The following EMC7 variants were observed in gnomAD, a reference collection of about 807,000 sequenced individuals.
EMC7 encodes ER membrane protein complex subunit 7, also known as endoplasmic reticulum membrane protein complex subunit 7.
EMC7 carries 4 observed loss-of-function variants against 24.4 expected under a neutral mutation model. The observed-to-expected ratio is 0.16, with a 90% CI of 0.08 to 0.38. The LOEUF (loss-of-function observed/expected upper bound fraction) is 0.38. Ranked by LOEUF, EMC7 falls within the 10% of genes least tolerant of loss-of-function variation. The pLI is 1.00. For synonymous variants in EMC7, 106 were observed against 112.0 expected (o/e 0.95, Z 0.34); for missense variants, 221 against 300.6 (o/e 0.74, Z 1.96).
chr15:34,084,188 T>G lies in EMC7; in HGVS notation c.*146A>C, dbSNP rs1006675922. ...TTTCTCGTGTACCAAGTACAAAACA[T>G]GTGCTAAAAAGTTAACATACACAGT... On this transcript the variant is annotated 3_prime_UTR_variant, in exon 5 of 5. Coordinates refer to ENST00000256545, the MANE Select transcript of EMC7 (RefSeq NM_020154.3). The G allele has an allele frequency of 7.1e-6, 7 of 992,338 alleles. No homozygotes were observed. The highest frequency in any genetic ancestry group is 6.2e-5 in the Admixed American group (2 of 32,144). The allele number at this position is 992,338 out of a possible 1,614,324, so 61.5% of individuals were successfully genotyped here.
chr15:34,092,345 C>T (rs1900988294), intron 2 of EMC7, among the ~76,000 whole-genome samples: 1 of 151,632 alleles, frequency 6.6e-6, no homozygotes, highest in Admixed American at 6.6e-5. Context: ...CTGTCACACC[C>T]CCAATTATTT....
At chr15:34,090,249 T>C (rs1275444330) in intron 3 of EMC7, 68 bp downstream of exon 3, 19 of 1,485,844 alleles carry the variant, frequency 1.3e-5, no homozygotes, top group Non-Finnish European at 1.6e-5. Context: ...TCACAGAGGT[T>C]TGAAGTTTCC....
chr15:34,086,450 C>T (rs767251481), intron 4 of EMC7: 105 of 154,364 alleles, frequency 6.8e-4, no homozygotes, highest in Admixed American at 1.7e-3. Context: ...TTTTTTTTAA[C>T]GGAGTTTTGC....
intron 4 of EMC7, chr15:34,086,040 T>C (rs1332193822): frequency 3.3e-6 from 1 of 304,770 alleles, no homozygotes; most frequent in Non-Finnish European, 6.3e-6. Flanking sequence ...GTAACATTTG[T>C]TGCAGATCAG....
In EMC7 at chr15:34,084,293, T is replaced by C; in HGVS notation, c.*41A>G. 1.3e-6 allele frequency: 2 copies of C among 1,589,340 alleles called. No individual in the cohort carries two copies. The highest frequency in any genetic ancestry group is 1.7e-6 in the Non-Finnish European group (2 of 1,163,588). ...TTTCCAAGACTTGGATGCCACCCAG[T>C]GTTGCCGTGTTTGTGCAAATGCCAG... On this transcript the variant is annotated 3_prime_UTR_variant, in exon 5 of 5. Coordinates refer to ENST00000256545, the MANE Select transcript of EMC7 (RefSeq NM_020154.3).
chr15:34,101,726 C>T lies in EMC7; in HGVS notation c.114G>A (p.Gly38=), dbSNP rs77698400. 4.7e-3 allele frequency: 7,629 copies of T among 1,613,754 alleles called. 284 individuals carry two copies. In the African/African-American group the frequency reaches 0.083, roughly 18 times the overall value. ...GAAAEGSGGS[G]VGIGDRFKIE... Reference sequence around the variant, plus strand: ...TCTTGAAGCGATCTCCTATGCCGACCCCACTCCCTCCCGATCCCTCAGCAG... The same window carrying T: ...TCTTGAAGCGATCTCCTATGCCGACTCCACTCCCTCCCGATCCCTCAGCAG... The change falls in exon 1 of 5, where the codon GGG becomes GGA. Residue 38 remains glycine (G), a synonymous_variant. Transcript: ENST00000256545.
At chr15:34,097,385 C>G (rs1300925763) in intron 1 of EMC7, among the ~76,000 whole-genome samples, 2 of 152,098 alleles carry the variant, frequency 1.3e-5, no homozygotes, top group African/African-American at 4.8e-5. Context: ...ACCATTTGTT[C>G]TATTTGCTAT....
intron 1 of EMC7, among the ~76,000 whole-genome samples, chr15:34,097,011 T>C (rs1168988249): frequency 1.3e-5 from 2 of 149,866 alleles, no homozygotes; most frequent in African/African-American, 4.9e-5. Flanking sequence ...TAGTTTTAAC[T>C]TGCAATTTTT....
chr15:34,087,752 T>C (rs1900911351), intron 4 of EMC7, among the ~76,000 whole-genome samples: 2 of 152,242 alleles, frequency 1.3e-5, no homozygotes, highest in Non-Finnish European at 2.9e-5. Flanking sequence ...CATGATACTA[T>C]GTTAATACAA....
At chr15:34,086,893 C>T (rs1469649223) in intron 4 of EMC7, among the ~76,000 whole-genome samples, 1 of 152,226 alleles carries the variant, frequency 6.6e-6, no homozygotes, top group East Asian at 1.9e-4. Flanking sequence ...ATATCAAAAA[C>T]CTTTCTTTTC....
At chr15:34,094,039 T>C (rs1302386539) in intron 2 of EMC7, among the ~76,000 whole-genome samples, 1 of 150,818 alleles carries the variant, frequency 6.6e-6, no homozygotes, top group African/African-American at 2.4e-5. Flanking sequence ...CTCTACAAAG[T>C]AGGGGGGAAA....
At chr15:34,093,948 A>G (rs10152308) in intron 2 of EMC7, among the ~76,000 whole-genome samples, 97,015 of 146,912 alleles carry the variant, frequency 0.66, 32,857 homozygotes, top group South Asian at 0.78. Context: ...CTAAAGGTCA[A>G]TTTGAGGCTG....
intron 1 of EMC7, among the ~76,000 whole-genome samples, chr15:34,099,548 C>T (rs886708945): frequency 4.6e-5 from 7 of 152,194 alleles, no homozygotes; most frequent in African/African-American, 1.4e-4. Flanking sequence ...ATACAAATTA[C>T]CTACCCCTTT....
Position 34,101,737 on chromosome 15 carries a change from C to T in EMC7, c.103G>A (p.Gly35Arg). ...EVPGAAAEGS[G>R]GSGVGIGDRF... ...TCTCCTATGCCGACCCCACTCCCTC[C>T]CGATCCCTCAGCAGCAGCCCCGGGC... The change falls in exon 1 of 5, where the codon GGA becomes AGA. Residue 35 changes from glycine (G) to arginine (R), a missense_variant. Transcript: ENST00000256545. 6.2e-7 allele frequency: 1 copy of T among 1,613,946 alleles called. No individual in the cohort carries two copies. The highest frequency in any genetic ancestry group is 8.5e-7 in the Non-Finnish European group (1 of 1,180,000).
intron 1 of EMC7, chr15:34,101,044 C>T (rs996637493): frequency 2.2e-5 from 2 of 89,590 alleles, no homozygotes; most frequent in African/African-American, 8.0e-5. Context: ...GATCCCACCC[C>T]CAAGCAAAAA....
chr15:34,092,384 T>G (rs2140869420), intron 2 of EMC7, among the ~76,000 whole-genome samples: 1 of 152,318 alleles, frequency 6.6e-6, no homozygotes, highest in East Asian at 1.9e-4. Context: ...AATATTGCTC[T>G]GAAGCCCAGG....
At chr15:34,087,089 G>A (rs1353906057) in intron 4 of EMC7, among the ~76,000 whole-genome samples, 1 of 152,140 alleles carries the variant, frequency 6.6e-6, no homozygotes, top group Non-Finnish European at 1.5e-5. Flanking sequence ...AAGAATATTT[G>A]ATAAATCCAT....
At chr15:34,091,256 T>C (rs144563353) in intron 2 of EMC7, among the ~76,000 whole-genome samples, 8 of 152,216 alleles carry the variant, frequency 5.3e-5, no homozygotes, top group Admixed American at 3.3e-4. Flanking sequence ...TTAAGTACTT[T>C]AAATATACAT....
intron 2 of EMC7, among the ~76,000 whole-genome samples, chr15:34,094,114 T>C (rs1458207936): frequency 2.0e-5 from 3 of 152,008 alleles, no homozygotes; most frequent in African/African-American, 7.2e-5. Context: ...ATATCAAGAA[T>C]ATTCTCTTGG....
Sources: allele counts gnomAD v4.1 joint callset (sites outside exome capture counted in the v4.1 genomes callset), GRCh38; gene constraint gnomAD v4.1.1; transcripts MANE v1.5; gene names NCBI Gene and HGNC (gene_info 2026-07-23, HGNC 2026-07-21).